The following AGBL1 variants were observed in gnomAD, a reference collection of about 807,000 sequenced individuals.
AGBL1 encodes the protein AGBL carboxypeptidase 1.
AGBL1 carries 130 observed loss-of-function variants against 118.9 expected under a neutral mutation model. The observed-to-expected ratio is 1.09, with a 90% CI of 0.95 to 1.26. The LOEUF is 1.26. Among genes scored for constraint, AGBL1 ranks in the 50% most tolerant of loss-of-function variants. The pLI, the probability that AGBL1 is intolerant of heterozygous loss-of-function variation, is 0.00. For missense variants in AGBL1, 1,584 were observed against 1,298.1 expected (o/e 1.22, Z -3.38); for synonymous variants, 555 against 478.9 (o/e 1.16, Z -2.08).
intron 1 of AGBL1, among the ~76,000 whole-genome samples, chr15:86,080,944 G>T (rs1183332272): frequency 6.6e-6 from 1 of 151,950 alleles, no homozygotes; most frequent in Admixed American, 6.6e-5. Context: ...GGGGCGGGGG[G>T]GGGTCCATGA....
intron 22 of AGBL1, among the ~76,000 whole-genome samples, chr15:86,760,513 A>G (rs377600462): frequency 3.3e-5 from 5 of 152,136 alleles, no homozygotes; most frequent in African/African-American, 9.6e-5. Flanking sequence ...TTACGGAAAA[A>G]CACAACAGAG....
intron 12 of AGBL1, among the ~76,000 whole-genome samples, chr15:86,266,692 G>A (rs2079078127): frequency 6.6e-6 from 1 of 152,186 alleles, no homozygotes; most frequent in South Asian, 2.1e-4. Context: ...CGTGAGTTCA[G>A]GAGATGGAGA....
At chr15:86,487,488 T>C (rs2082728476) in intron 18 of AGBL1, among the ~76,000 whole-genome samples, 1 of 152,012 alleles carries the variant, frequency 6.6e-6, no homozygotes, top group Non-Finnish European at 1.5e-5. Flanking sequence ...ATGCATAATA[T>C]GGGTCTCATA....
chr15:86,690,667 G>A (rs2142601497), intron 22 of AGBL1, among the ~76,000 whole-genome samples: 1 of 152,302 alleles, frequency 6.6e-6, no homozygotes, highest in African/African-American at 2.4e-5. Flanking sequence ...AGAGTAGTGT[G>A]TGGTAGGGTG....
At chr15:86,542,693 G>C (rs2083521602) in intron 19 of AGBL1, among the ~76,000 whole-genome samples, 1 of 151,954 alleles carries the variant, frequency 6.6e-6, no homozygotes, top group Admixed American at 6.6e-5. Flanking sequence ...ATTTTATGGA[G>C]ATTATGCAAT....
intron 5 of AGBL1, among the ~76,000 whole-genome samples, chr15:86,167,567 G>A (rs1336091522): frequency 1.3e-5 from 2 of 152,196 alleles, no homozygotes; most frequent in African/African-American, 2.4e-5. Flanking sequence ...ATTTCTAATA[G>A]AATTCTAAAT....
chr15:86,269,793 A>G, intron 13 of AGBL1, 126 bp from the exon 14 acceptor site: 1 of 1,118,230 alleles, frequency 8.9e-7, no homozygotes. Context: ...AGTATAACTT[A>G]CCAGCTGGCT....
At chr15:86,581,696 C>T (rs2084174873) in intron 21 of AGBL1, among the ~76,000 whole-genome samples, 1 of 152,058 alleles carries the variant, frequency 6.6e-6, no homozygotes, top group Non-Finnish European at 1.5e-5. Context: ...CCAAATGTTA[C>T]CTAGAAATCA....
At chr15:86,975,569 C>T (rs2081168415) in intron 23 of AGBL1, among the ~76,000 whole-genome samples, 1 of 152,018 alleles carries the variant, frequency 6.6e-6, no homozygotes. Flanking sequence ...ACCCTGTCTC[C>T]AAAAATTCCC....
At chr15:86,442,814 A>C (rs2082080230) in intron 18 of AGBL1, among the ~76,000 whole-genome samples, 1 of 152,166 alleles carries the variant, frequency 6.6e-6, no homozygotes, top group South Asian at 2.1e-4. Flanking sequence ...TTTGGGGAAA[A>C]TGTGTTAGAG....
At chr15:86,351,371 A>T (rs978771472) in intron 17 of AGBL1, among the ~76,000 whole-genome samples, 8 of 152,174 alleles carry the variant, frequency 5.3e-5, no homozygotes, top group Non-Finnish European at 1.0e-4. Flanking sequence ...TACTGTTACC[A>T]TAGCAATTAA....
chr15:86,443,553 C>T (rs2082088413), intron 18 of AGBL1, among the ~76,000 whole-genome samples: 1 of 152,110 alleles, frequency 6.6e-6, no homozygotes, highest in Non-Finnish European at 1.5e-5. Context: ...TTTATTCCTC[C>T]TATCTAATTG....
chr15:86,978,672 C>G (rs6496376), intron 23 of AGBL1, among the ~76,000 whole-genome samples: 111,694 of 152,108 alleles, frequency 0.73, 41,128 homozygotes, highest in South Asian at 0.87. Flanking sequence ...AATCAGATCA[C>G]GTTAGCACCT....
At chr15:86,831,094 A>G (rs2079098102) in intron 22 of AGBL1, among the ~76,000 whole-genome samples, 1 of 152,194 alleles carries the variant, frequency 6.6e-6, no homozygotes, top group Non-Finnish European at 1.5e-5. Context: ...TAACACCATC[A>G]GATCTCCTGA....
chr15:86,260,873 C>T (rs1001039423), intron 9 of AGBL1, among the ~76,000 whole-genome samples: 10 of 152,182 alleles, frequency 6.6e-5, no homozygotes, highest in African/African-American at 2.4e-4. Flanking sequence ...GACACAGAAG[C>T]AGGCCACCTC....
intron 19 of AGBL1, among the ~76,000 whole-genome samples, chr15:86,538,993 C>G (rs2083459942): frequency 1.3e-5 from 2 of 152,198 alleles, no homozygotes; most frequent in African/African-American, 4.8e-5. Flanking sequence ...AGCAAGAAAT[C>G]ATGGAACTCA....
intron 22 of AGBL1, among the ~76,000 whole-genome samples, chr15:86,850,442 A>G (rs2079391608): frequency 6.6e-6 from 1 of 152,166 alleles, no homozygotes; most frequent in South Asian, 2.1e-4. Flanking sequence ...GCCATTTTAT[A>G]AACAGATCTT....
chr15:86,181,961 T>A (rs1181904347), intron 5 of AGBL1, among the ~76,000 whole-genome samples: 3 of 152,078 alleles, frequency 2.0e-5, no homozygotes, highest in Non-Finnish European at 2.9e-5. Context: ...GATCATGCAT[T>A]CATTCATTCA....
chr15:86,422,876 A>C (rs7168798), intron 18 of AGBL1, among the ~76,000 whole-genome samples: 151,984 of 152,260 alleles, frequency 1, 75,854 homozygotes, highest in Middle Eastern at 1. Flanking sequence ...ACACATACAC[A>C]CTCCCAAGAT....
Sources: gnomAD v4.1 joint callset for allele counts (sites outside exome capture counted in the v4.1 genomes callset) on GRCh38, gnomAD v4.1.1 for gene constraint, MANE v1.5 for transcripts, NCBI Gene and HGNC (gene_info 2026-07-23, HGNC 2026-07-21) for gene names.